The following CD70 variants were observed in gnomAD, a reference collection of about 807,000 sequenced individuals.
CD70 encodes CD70 molecule.
In CD70, 6 loss-of-function variants were observed where a neutral mutation model predicts 9.0. The observed-to-expected ratio is 0.67, with a 90% CI of 0.37 to 1.32. The LOEUF (loss-of-function observed/expected upper bound fraction) is 1.32, where lower values mean the gene tolerates loss of function less well. CD70 is among the 40% of genes most tolerant of loss of function. CD70 has a pLI of 0.02. For missense variants in CD70, 235 were observed against 258.7 expected (o/e 0.91, Z 0.63); for synonymous variants, 108 against 112.3 (o/e 0.96, Z 0.24).
intron 2 of CD70, among the ~76,000 whole-genome samples, chr19:6,588,749 C>T (rs571080061): frequency 6.6e-6 from 1 of 152,114 alleles, no homozygotes; most frequent in Non-Finnish European, 1.5e-5. Flanking sequence ...CTAAAACCTG[C>T]TCTTGGCCTG....
At chr19:6,582,178 G>A (rs953831688), downstream of CD70, among the ~76,000 whole-genome samples, 2 of 150,308 alleles carry the variant, frequency 1.3e-5, no homozygotes, top group Non-Finnish European at 3.0e-5. Context: ...ACAGGCGCAC[G>A]CTGCCACGCC....
At chr19:6,583,549 T>C, downstream of CD70, 1 of 509,682 alleles carries the variant, frequency 2.0e-6, no homozygotes. Flanking sequence ...TTGTTAATTG[T>C]AGTCTTTTTT....
Position 6,590,617 on chromosome 19 carries a change from G to GT in CD70, c.162+223dup, listed in dbSNP as rs1916135908. ...GCCGAGTCATCTTCCATTTCCATGT[G>GT]TGCCTACCTTTCCCATCCCGGGATC... is the stretch of plus-strand genomic sequence containing the variant. On this transcript the variant is annotated intron_variant, in intron 1 of 2. Transcript: ENST00000245903. This position sits in a 1 kb window ranked among gnomAD's most constrained non-coding sequence, Gnocchi z 5.3. Among the ~76,000 whole-genome samples, 1 of 152,130 alleles carries GT rather than the reference G, an allele frequency of 6.6e-6. No homozygotes were observed. Among genetic ancestry groups the GT allele is most frequent in the Non-Finnish European group, 1.5e-5 (1 of 68,014 alleles).
chr19:6,589,451 A>G (rs1470557350), intron 2 of CD70, among the ~76,000 whole-genome samples: 1 of 149,932 alleles, frequency 6.7e-6, no homozygotes, highest in African/African-American at 2.5e-5. Flanking sequence ...GAGCAGTGCC[A>G]TTATCTTGGC....
At chr19:6,582,635 T>C (rs1289672241), downstream of CD70, among the ~76,000 whole-genome samples, 4 of 152,014 alleles carry the variant, frequency 2.6e-5, no homozygotes, top group Non-Finnish European at 4.4e-5. Flanking sequence ...GTCCTTGCAA[T>C]AGTTTGCTCA....
chr19:6,582,942 C>T (rs1158294387), downstream of CD70, among the ~76,000 whole-genome samples: 2 of 152,168 alleles, frequency 1.3e-5, no homozygotes, highest in African/African-American at 4.8e-5. Context: ...AGGATACAGC[C>T]TCCCTCCCGG....
downstream of CD70, among the ~76,000 whole-genome samples, chr19:6,585,058 C>T (rs1389456118): frequency 6.6e-6 from 1 of 152,134 alleles, no homozygotes; most frequent in African/African-American, 2.4e-5. Flanking sequence ...GCGATCTTGG[C>T]TCCCTGAAAC....
At chr19:6,588,445 G>A (rs1448405915) in intron 2 of CD70, among the ~76,000 whole-genome samples, 2 of 152,168 alleles carry the variant, frequency 1.3e-5, no homozygotes, top group South Asian at 4.1e-4. Context: ...AGCAACAAAG[G>A]TCCCTTCCAT....
chr19:6,587,128 GCGAGAGAGCA>G (rs1916039985), intron 2 of CD70, among the ~76,000 whole-genome samples: 2 of 150,622 alleles, frequency 1.3e-5, no homozygotes, highest in Non-Finnish European at 1.5e-5. Flanking sequence ...ACGAGAGAGT[GCGAGAGAGCA>G]CGAGAGAGCA....
At chr19:6,589,484 G>C (rs1184905168) in intron 2 of CD70, among the ~76,000 whole-genome samples, 2 of 151,846 alleles carry the variant, frequency 1.3e-5, no homozygotes, top group Admixed American at 1.3e-4. Flanking sequence ...CTGCCTCCCA[G>C]GTTCAGGCGA....
At chr19:6,583,245 C>T (rs1374264292), downstream of CD70, 11 of 593,080 alleles carry the variant, frequency 1.9e-5, no homozygotes, top group Non-Finnish European at 3.1e-5. Context: ...TTTTCCTCAA[C>T]TGTTAAATAC....
In CD70 at chr19:6,591,060, C is replaced by T. The variant is rs374825796; in HGVS notation, c.-58G>A. 1,274 of 1,519,958 alleles carry T rather than the reference C, an allele frequency of 8.4e-4. 1 individual carries two copies. The highest frequency in any genetic ancestry group is 1.0e-3 in the Non-Finnish European group (1,171 of 1,135,680). 94.2% of individuals were successfully genotyped at this position (1,519,958 alleles called of 1,614,324 possible). On this transcript the variant is annotated 5_prime_UTR_variant, in exon 1 of 3. Transcript: ENST00000245903. ...GGGCGATGGGGGCGCGGAGCGCTGC[C>T]GAGAAGGAAGGAAGGAAACTGCAGC... is the stretch of plus-strand genomic sequence containing the variant.
downstream of CD70, among the ~76,000 whole-genome samples, chr19:6,585,675 G>T (rs1915998586): frequency 7.3e-6 from 1 of 137,348 alleles, no homozygotes; most frequent in Non-Finnish European, 1.6e-5. Context: ...CCCTAACCAA[G>T]AACATTTTTT....
intron 2 of CD70, among the ~76,000 whole-genome samples, chr19:6,588,638 A>T (rs372707243): frequency 7.9e-5 from 12 of 151,410 alleles, no homozygotes; most frequent in Admixed American, 3.9e-4. Flanking sequence ...ACCCACTCAG[A>T]TACCACCCCC....
downstream of CD70, among the ~76,000 whole-genome samples, chr19:6,582,671 T>C (rs1915942467): frequency 6.6e-6 from 1 of 152,174 alleles, no homozygotes; most frequent in African/African-American, 2.4e-5. Context: ...GCTTCATCCA[T>C]GTCCCTATGA....
chr19:6,583,206 G>C (rs1377313613), downstream of CD70: 1 of 562,274 alleles, frequency 1.8e-6, no homozygotes, highest in Non-Finnish European at 3.2e-6. Context: ...GAATTGCCTC[G>C]GGCTTGTGAC....
In CD70 at chr19:6,586,041, T is replaced by C; in HGVS notation, c.561A>G (p.Gly187=). The C allele has an allele frequency of 1.2e-6, 2 of 1,613,248 alleles. No homozygotes were observed. The highest frequency in any genetic ancestry group is 1.7e-6 in the Non-Finnish European group (2 of 1,179,266). The change falls in exon 3 of 3, where the codon GGA becomes GGG. Residue 187 remains glycine, a synonymous_variant. Transcript: ENST00000245903. ...PSRNTDETFF[G]VQWVRP is the part of the protein sequence containing the mutation. The stretch of plus-strand genomic sequence containing the variant: ...GTGGTCAGGGGCGCACCCACTGCAC[T>C]CCAAAGAAGGTCTCATCAGTGTTTC...
chr19:6,587,254 G>C, intron 2 of CD70, among the ~76,000 whole-genome samples: 1 of 151,088 alleles, frequency 6.6e-6, no homozygotes, highest in Non-Finnish European at 1.5e-5. Flanking sequence ...TTGAGGGAGA[G>C]TGCACGAGAG....
Position 6,590,405 on chromosome 19 carries a change from G to T in CD70, c.163-269C>A, listed in dbSNP as rs1916131622. On this transcript the variant is annotated intron_variant, in intron 1 of 2. Transcript: ENST00000245903. The surrounding 1 kb of genome is among the most constrained non-coding windows in gnomAD (Gnocchi z 5.3). ...CGTTTTCCTGGATGTCACTGGGCGC[G>T]AGAGCACCGCGCGCAGCGGACTCTC... 6.6e-6 allele frequency among the ~76,000 whole-genome samples: 1 copy of T among 152,160 alleles called. No homozygotes were observed.
Sources: gnomAD v4.1 joint callset for allele counts (sites outside exome capture counted in the v4.1 genomes callset) on GRCh38, gnomAD v4.1.1 for gene constraint, Gnocchi (gnomAD v3.1) non-coding constraint, MANE v1.5 for transcripts, NCBI Gene and HGNC (gene_info 2026-07-23, HGNC 2026-07-21) for gene names.